The following PCDHGB2 variants were observed in gnomAD, a reference collection of about 807,000 sequenced individuals.
The protein encoded by PCDHGB2 is protocadherin gamma subfamily B, 2, also known as protocadherin gamma-B2.
PCDHGB2 carries 55 observed loss-of-function variants against 59.3 expected under a neutral mutation model. The observed-to-expected ratio is 0.93, with a 90% confidence interval of 0.75 to 1.16. The LOEUF (loss-of-function observed/expected upper bound fraction) is 1.16. PCDHGB2 is among the 50% of genes most tolerant of loss of function. The pLI, the probability that PCDHGB2 is intolerant of heterozygous loss-of-function variation, is 0.00. For synonymous variants in PCDHGB2, 516 were observed against 512.0 expected (o/e 1.01, Z -0.11); for missense variants, 1,228 against 1,198.5 (o/e 1.02, Z -0.36).
intron 1 of PCDHGB2, chr5:141,395,373 G>A (rs2150613921): frequency 1.7e-6 from 2 of 1,189,412 alleles, no homozygotes; most frequent in African/African-American, 3.1e-5. Context: ...TATTTTGGTG[G>A]TGTTACTATA....
chr5:141,371,514 C>A (rs781132718), intron 1 of PCDHGB2: 1 of 1,613,792 alleles, frequency 6.2e-7, no homozygotes, highest in South Asian at 1.1e-5. Context: ...AACACATGAT[C>A]TAGATTCTGG....
Position 141,360,946 on chromosome 5 carries a change from G to A in PCDHGB2, c.811G>A (p.Glu271Lys), listed in dbSNP as rs371775713. ...TCAAGTGACAGCCACCGACCGGGAT[G>A]AAGGCATAAACGCAGAGATCACCTA... ...VLQVTATDRDEGINAEITYSF... is the reference protein window; with the variant it reads ...VLQVTATDRDKGINAEITYSF... Residue 271 changes from glutamate to lysine, a missense_variant, in exon 1 of 4, where the codon GAA becomes AAA. Coordinates refer to ENST00000522605, the MANE Select transcript of PCDHGB2 (RefSeq NM_018923.3). The A allele has an allele frequency of 1.4e-5, 22 of 1,613,850 alleles. No individual in the cohort carries two copies. In the African/African-American group the frequency reaches 2.4e-4, roughly 18 times the overall value.
At chr5:141,450,836 T>A (rs991599340) in intron 1 of PCDHGB2, among the ~76,000 whole-genome samples, 2 of 149,760 alleles carry the variant, frequency 1.3e-5, no homozygotes, top group African/African-American at 4.9e-5. Flanking sequence ...ATTATTTTTT[T>A]TTTTTTGAGA....
intron 1 of PCDHGB2, among the ~76,000 whole-genome samples, chr5:141,363,769 G>A (rs1354006862): frequency 6.6e-6 from 1 of 152,102 alleles, no homozygotes; most frequent in Non-Finnish European, 1.5e-5. Context: ...AAATAAGCAC[G>A]TTTTCCTAAA....
intron 1 of PCDHGB2, chr5:141,374,015 G>T: frequency 1.5e-6 from 2 of 1,375,596 alleles, no homozygotes; most frequent in Non-Finnish European, 1.9e-6. Context: ...CTATTTCTGA[G>T]AAGAGCAAAA....
At chr5:141,390,405 T>C in intron 1 of PCDHGB2, 1 of 1,264,524 alleles carries the variant, frequency 7.9e-7, no homozygotes, top group Non-Finnish European at 1.1e-6. Flanking sequence ...TTTAGGAAAG[T>C]TGTAGTCAGT....
At chr5:141,413,023 A>T in intron 1 of PCDHGB2, 1 of 729,646 alleles carries the variant, frequency 1.4e-6, no homozygotes, top group Non-Finnish European at 2.1e-6. Context: ...CACAAGCCCC[A>T]CAAACCGGCT....
chr5:141,500,114 G>A (rs72790070), intron 2 of PCDHGB2, among the ~76,000 whole-genome samples: 10,550 of 151,670 alleles, frequency 0.07, 640 homozygotes, highest in African/African-American at 0.16. Flanking sequence ...TTGAATCCCT[G>A]CCTTTTCATA....
At chr5:141,467,537 A>G (rs2154569542) in intron 1 of PCDHGB2, among the ~76,000 whole-genome samples, 1 of 152,192 alleles carries the variant, frequency 6.6e-6, no homozygotes, top group Non-Finnish European at 1.5e-5. Context: ...TGAGATATGG[A>G]TCTGATTATA....
At position 141,374,917 on chromosome 5, in the gene PCDHGB2, T is replaced by C. The variant is rs1385873751; in HGVS notation, c.2421+12361T>C. 7.4e-6 allele frequency: 12 copies of C among 1,613,816 alleles called. No homozygotes were observed. In the Admixed American group the frequency reaches 1.5e-4, roughly 20 times the overall value. Reference sequence around the variant, plus strand: ...ATGAAGGAGTCCACGGGGAAGTAACTTATTCCTTTGTGAAGATTACAGAAA... The same window carrying C: ...ATGAAGGAGTCCACGGGGAAGTAACCTATTCCTTTGTGAAGATTACAGAAA... On this transcript the variant is annotated intron_variant, in intron 1 of 3. Coordinates refer to ENST00000522605, the MANE Select transcript of PCDHGB2 (RefSeq NM_018923.3).
At position 141,486,923 on chromosome 5, in the gene PCDHGB2, G is replaced by A. The variant is rs1377159895; in HGVS notation, c.2422-7884G>A. ...ATGTCCCCAAGCACTGCCTCCATCAGTTGGTGCTGGCCACCTAATCACAAA... is the reference window on the plus strand; with the variant it reads ...ATGTCCCCAAGCACTGCCTCCATCAATTGGTGCTGGCCACCTAATCACAAA... On this transcript the variant is annotated intron_variant, in intron 1 of 3. Transcript: ENST00000522605. This position sits in a 1 kb window ranked among gnomAD's most constrained non-coding sequence, Gnocchi z 5.0. 6.2e-7 allele frequency: 1 copy of A among 1,614,252 alleles called. No individual in the cohort carries two copies. Among genetic ancestry groups the A allele is most frequent in the Admixed American group, 1.7e-5 (1 of 60,028 alleles).
At chr5:141,507,797 C>A (rs933921827) in intron 3 of PCDHGB2, among the ~76,000 whole-genome samples, 1 of 152,240 alleles carries the variant, frequency 6.6e-6, no homozygotes, top group Admixed American at 6.5e-5. Context: ...TCTAAGCCTG[C>A]GCCCTGGGGA....
At chr5:141,430,751 A>G in intron 1 of PCDHGB2, 1 of 1,496,066 alleles carries the variant, frequency 6.7e-7, no homozygotes, top group Non-Finnish European at 8.9e-7. Context: ...ATTCTGGAGG[A>G]AGATAAGAAT....
intron 1 of PCDHGB2, chr5:141,375,806 G>T (rs1223554303): frequency 6.8e-6 from 11 of 1,614,088 alleles, no homozygotes; most frequent in African/African-American, 1.3e-5. Context: ...TTCCACTGGC[G>T]TGGAGCTGGC....
intron 1 of PCDHGB2, among the ~76,000 whole-genome samples, chr5:141,456,105 G>T (rs2098843517): frequency 6.6e-6 from 1 of 151,978 alleles, no homozygotes; most frequent in Non-Finnish European, 1.5e-5. Context: ...CACCGTGTTA[G>T]CCAGGATGGT....
At chr5:141,419,124 T>A in intron 1 of PCDHGB2, 1 of 1,613,798 alleles carries the variant, frequency 6.2e-7, no homozygotes, top group Non-Finnish European at 8.5e-7. Context: ...AACGTCACCA[T>A]CGCAGCCACA....
chr5:141,448,928 G>C (rs2098617520), intron 1 of PCDHGB2, among the ~76,000 whole-genome samples: 1 of 152,166 alleles, frequency 6.6e-6, no homozygotes, highest in Non-Finnish European at 1.5e-5. Context: ...CTGGGCGACA[G>C]AGCAAGACTG....
chr5:141,375,103 C>G (rs1230243964), intron 1 of PCDHGB2: 1 of 1,613,900 alleles, frequency 6.2e-7, no homozygotes, highest in South Asian at 1.1e-5. Context: ...TCTTGGATGT[C>G]AATGATAATG....
At chr5:141,446,767 G>A (rs891355909) in intron 1 of PCDHGB2, among the ~76,000 whole-genome samples, 12 of 152,118 alleles carry the variant, frequency 7.9e-5, no homozygotes, top group Non-Finnish European at 1.2e-4. Flanking sequence ...GCGCCCAGCC[G>A]GTTACCATTC....
Sources: gnomAD v4.1 joint callset for allele counts (sites outside exome capture counted in the v4.1 genomes callset) on GRCh38, gnomAD v4.1.1 for gene constraint, Gnocchi (gnomAD v3.1) non-coding constraint, MANE v1.5 for transcripts, NCBI Gene and HGNC (gene_info 2026-07-23, HGNC 2026-07-21) for gene names.